Variants in ZNF804A observed in about 807,000 individuals in gnomAD.
The protein encoded by ZNF804A is zinc finger protein 804A.
A neutral mutation model predicts 16.5 loss-of-function variants in ZNF804A; 2 were observed. The observed-to-expected ratio is 0.12, with a 90% CI of 0.05 to 0.38. The LOEUF is 0.38. ZNF804A is among the 10% of genes least tolerant of loss of function. The pLI is 0.99. For missense variants in ZNF804A, 1,473 were observed against 1,390.7 expected (o/e 1.06, Z -0.94); for synonymous variants, 534 against 489.6 (o/e 1.09, Z -1.20).
chr2:184,615,004 A>T (rs1317840323), intron 1 of ZNF804A, among the ~76,000 whole-genome samples: 1 of 152,226 alleles, frequency 6.6e-6, no homozygotes, highest in Non-Finnish European at 1.5e-5. Flanking sequence ...CAGAACCAGA[A>T]ATACCATTTG....
intron 1 of ZNF804A, among the ~76,000 whole-genome samples, chr2:184,623,836 C>G (rs145554739): frequency 1.3e-5 from 2 of 152,222 alleles, no homozygotes; most frequent in East Asian, 3.9e-4. Flanking sequence ...TAATGAAGTT[C>G]GTTTGATTGC....
intron 1 of ZNF804A, among the ~76,000 whole-genome samples, chr2:184,848,505 A>G (rs574329518): frequency 9.8e-4 from 149 of 152,244 alleles, no homozygotes; most frequent in African/African-American, 3.5e-3. Flanking sequence ...TCTCTTCTAG[A>G]AAAATGATAA....
intron 2 of ZNF804A, among the ~76,000 whole-genome samples, chr2:184,932,679 A>G (rs1685721654): frequency 6.6e-6 from 1 of 152,212 alleles, no homozygotes; most frequent in Admixed American, 6.5e-5. Flanking sequence ...TTGCATAATA[A>G]CATGAACCAT....
At chr2:184,603,811 T>A (rs1691087983) in intron 1 of ZNF804A, among the ~76,000 whole-genome samples, 1 of 152,192 alleles carries the variant, frequency 6.6e-6, no homozygotes, top group Non-Finnish European at 1.5e-5. Flanking sequence ...ATATATTCAA[T>A]ATTAAAGACC....
At chr2:184,871,313 G>A (rs368987328) in intron 2 of ZNF804A, among the ~76,000 whole-genome samples, 1 of 151,400 alleles carries the variant, frequency 6.6e-6, no homozygotes, top group South Asian at 2.1e-4. Flanking sequence ...TTGTAACCTG[G>A]GAAGTGAACT....
intron 1 of ZNF804A, among the ~76,000 whole-genome samples, chr2:184,856,658 A>G (rs1026676941): frequency 2.0e-5 from 3 of 152,108 alleles, no homozygotes; most frequent in Admixed American, 1.3e-4. Flanking sequence ...AGTGGCTGAG[A>G]TAGTGACACC....
At chr2:184,874,240 A>G (rs1696018290) in intron 2 of ZNF804A, among the ~76,000 whole-genome samples, 1 of 152,138 alleles carries the variant, frequency 6.6e-6, no homozygotes, top group African/African-American at 2.4e-5. Context: ...GGTTACTTCA[A>G]GAGGTGATGT....
chr2:184,670,504 T>C (rs1208279033), intron 1 of ZNF804A, among the ~76,000 whole-genome samples: 2 of 152,126 alleles, frequency 1.3e-5, no homozygotes, highest in African/African-American at 4.8e-5. Flanking sequence ...AGATATACCA[T>C]ATTTTAGTTC....
At position 184,642,885 on chromosome 2, in the gene ZNF804A, A is replaced by G. The variant is rs572355915; in HGVS notation, c.111+43815A>G. 2.8e-4 allele frequency among the ~76,000 whole-genome samples: 42 copies of G among 152,228 alleles called. 2 individuals carry two copies. The South Asian group carries it at 6.2e-3, about 23-fold the overall frequency. On this transcript the variant is annotated intron_variant, in intron 1 of 3. Transcript: ENST00000302277. Reference sequence around the variant, plus strand: ...AAATCTTTTAGAATGACAACTGCCAAATTTTCTTGATATGGTAATGGATAA... The same window carrying G: ...AAATCTTTTAGAATGACAACTGCCAGATTTTCTTGATATGGTAATGGATAA...
intron 1 of ZNF804A, among the ~76,000 whole-genome samples, chr2:184,744,281 A>T (rs978768606): frequency 1.3e-4 from 19 of 151,924 alleles, no homozygotes; most frequent in African/African-American, 3.6e-4. Context: ...ATTTTGTATT[A>T]TATACAGTAT....
chr2:184,629,547 A>G (rs558769842), intron 1 of ZNF804A, among the ~76,000 whole-genome samples: 37 of 152,312 alleles, frequency 2.4e-4, no homozygotes, highest in African/African-American at 8.9e-4. Flanking sequence ...AGCAAATAAT[A>G]GAAAATAGTT....
intron 1 of ZNF804A, among the ~76,000 whole-genome samples, chr2:184,738,565 G>A (rs150515780): frequency 1.6e-4 from 25 of 152,270 alleles, no homozygotes; most frequent in African/African-American, 5.5e-4. Context: ...GATCAAGTTA[G>A]CATTAGTGTA....
intron 1 of ZNF804A, among the ~76,000 whole-genome samples, chr2:184,701,757 T>C (rs1692922833): frequency 6.6e-6 from 1 of 151,892 alleles, no homozygotes; most frequent in Non-Finnish European, 1.5e-5. Context: ...TCTGGGAAAA[T>C]GCTATTACTG....
At chr2:184,620,847 A>C (rs1691406233) in intron 1 of ZNF804A, among the ~76,000 whole-genome samples, 1 of 151,744 alleles carries the variant, frequency 6.6e-6, no homozygotes, top group Admixed American at 6.6e-5. Flanking sequence ...TCCTATCGAT[A>C]TTTTTATAAT....
chr2:184,935,577 A>C lies in ZNF804A; in HGVS notation c.387-206A>C, dbSNP rs530573162. The stretch of plus-strand genomic sequence containing the variant: ...GCTATAAAAGCAACTTCAGGACAAT[A>C]TTTCCAAGTTATTCCAAACAGTAAC... On this transcript the variant is annotated intron_variant, in intron 3 of 3. Transcript: ENST00000302277. Among the ~76,000 whole-genome samples the C allele has an allele frequency of 8.8e-4, 134 of 152,300 alleles. 1 individual carries two copies. The highest frequency in any genetic ancestry group is 3.0e-3 in the African/African-American group (124 of 41,574).
intron 1 of ZNF804A, among the ~76,000 whole-genome samples, chr2:184,638,739 T>A (rs893179766): frequency 3.9e-5 from 6 of 152,122 alleles, no homozygotes; most frequent in Admixed American, 1.3e-4. Flanking sequence ...GTATATTTTG[T>A]GAGAAAAAAG....
intron 2 of ZNF804A, among the ~76,000 whole-genome samples, chr2:184,868,155 T>G (rs1381349893): frequency 6.6e-6 from 1 of 152,070 alleles, no homozygotes; most frequent in Non-Finnish European, 1.5e-5. Flanking sequence ...CTCAGAGTGA[T>G]CAAATCCTAA....
chr2:184,863,143 T>G (rs949719680), intron 1 of ZNF804A, among the ~76,000 whole-genome samples: 2 of 152,140 alleles, frequency 1.3e-5, no homozygotes, highest in Non-Finnish European at 2.9e-5. Flanking sequence ...ATAGGGATTA[T>G]TATACTCTTC....
chr2:184,635,005 T>C (rs930441129), intron 1 of ZNF804A, among the ~76,000 whole-genome samples: 10 of 152,170 alleles, frequency 6.6e-5, no homozygotes, highest in African/African-American at 2.2e-4. Context: ...CTCACAGAGA[T>C]TGTATCTTTC....
Sources: allele counts gnomAD v4.1 joint callset (sites outside exome capture counted in the v4.1 genomes callset), GRCh38; gene constraint gnomAD v4.1.1; transcripts MANE v1.5; gene names NCBI Gene and HGNC (gene_info 2026-07-23, HGNC 2026-07-21).